Variants in FGF14 observed in about 807,000 individuals in gnomAD.
The protein encoded by FGF14 is fibroblast growth factor 14.
A neutral mutation model predicts 25.5 loss-of-function variants in FGF14; 5 were observed. The ratio of observed to expected loss-of-function variants is 0.20; its 90% confidence interval spans 0.10 to 0.41. The LOEUF (loss-of-function observed/expected upper bound fraction) is 0.41, where lower values mean the gene tolerates loss of function less well. FGF14 is among the 10% of genes least tolerant of loss of function. The pLI is 1.00. For missense variants in FGF14, 222 were observed against 320.1 expected, an observed-to-expected ratio of 0.69 and a Z score of 2.34; for synonymous variants, 138 against 118.3, an observed-to-expected ratio of 1.17 and a Z score of -1.08.
At position 101,768,847 on chromosome 13, in the gene FGF14, G is replaced by A. The variant is rs369178719; in HGVS notation, c.409-42037C>T. ...TGGATCACGTAAATAAATGTAAAAT[G>A]CAAAATTATAAAAATCCTAGAAGGT... On this transcript the variant is annotated intron_variant, in intron 3 of 4. Transcript: ENST00000376143. Among the ~76,000 whole-genome samples, 6 of 152,194 alleles carry A rather than the reference G, an allele frequency of 3.9e-5. No individual in the cohort carries two copies. In the South Asian group the frequency reaches 1.0e-3, roughly 26 times the overall value.
intron 3 of FGF14, among the ~76,000 whole-genome samples, chr13:101,840,073 G>A (rs1375655615): frequency 6.6e-6 from 1 of 151,892 alleles, no homozygotes; most frequent in African/African-American, 2.4e-5. Context: ...TCTCTTCTTG[G>A]CAAATGAGAA....
chr13:102,249,078 C>T (rs1594577100), intron 1 of FGF14, among the ~76,000 whole-genome samples: 1 of 152,234 alleles, frequency 6.6e-6, no homozygotes, highest in Non-Finnish European at 1.5e-5. Flanking sequence ...CCACGGAATG[C>T]TCATTGCAGA....
intron 3 of FGF14, among the ~76,000 whole-genome samples, chr13:101,866,003 C>A (rs753962667): frequency 3.8e-4 from 57 of 151,872 alleles, no homozygotes; most frequent in Non-Finnish European, 7.2e-4. Flanking sequence ...CATCTTAGTT[C>A]AAAACTTCTT....
chr13:102,084,828 G>A (rs891738673), intron 1 of FGF14, among the ~76,000 whole-genome samples: 1 of 152,184 alleles, frequency 6.6e-6, no homozygotes, highest in Admixed American at 6.5e-5. Flanking sequence ...GGTAGATGGA[G>A]TGCTTTGTTA....
At chr13:102,064,419 A>G (rs1419416477) in intron 1 of FGF14, among the ~76,000 whole-genome samples, 1 of 152,176 alleles carries the variant, frequency 6.6e-6, no homozygotes, top group African/African-American at 2.4e-5. Flanking sequence ...AAACGTAACT[A>G]AAAAACATAA....
chr13:101,742,124 G>A (rs2036595645), intron 3 of FGF14, among the ~76,000 whole-genome samples: 1 of 152,096 alleles, frequency 6.6e-6, no homozygotes, highest in Non-Finnish European at 1.5e-5. Context: ...CCACTTATGA[G>A]TGAGAACATG....
chr13:102,388,358 G>A (rs1164064679), intron 1 of FGF14, among the ~76,000 whole-genome samples: 1 of 152,174 alleles, frequency 6.6e-6, no homozygotes, highest in Non-Finnish European at 1.5e-5. Context: ...TGTATGCTCA[G>A]ACAACTATCA....
intron 3 of FGF14, among the ~76,000 whole-genome samples, chr13:101,840,113 C>G (rs1435795782): frequency 1.3e-5 from 2 of 151,912 alleles, no homozygotes; most frequent in Non-Finnish European, 2.9e-5. Context: ...AATACCAGTT[C>G]AATTAATTCC....
At chr13:102,215,932 G>C (rs1447066552) in intron 1 of FGF14, among the ~76,000 whole-genome samples, 2 of 152,168 alleles carry the variant, frequency 1.3e-5, no homozygotes, top group African/African-American at 4.8e-5. Flanking sequence ...AGCAGATGGA[G>C]TGAGAGAAAG....
rs530938671 is a variant in FGF14, at chr13:101,800,762, G to A, written c.408+67963C>T. Among the ~76,000 whole-genome samples the A allele has an allele frequency of 5.5e-3, 831 of 152,226 alleles. 3 individuals carry two copies. The highest frequency in any genetic ancestry group is 8.7e-3 in the Non-Finnish European group (595 of 68,006). On this transcript the variant is annotated intron_variant, in intron 3 of 4. Coordinates refer to ENST00000376143, the MANE Select transcript of FGF14 (RefSeq NM_004115.4). ...TTTCACCTTGTTCTAGGGAGTTTTG[G>A]ATACAGAGTTCACACCTTAGCAGGG... is the stretch of plus-strand genomic sequence containing the variant.
At chr13:102,166,015 A>G (rs1479075460) in intron 1 of FGF14, among the ~76,000 whole-genome samples, 1 of 151,642 alleles carries the variant, frequency 6.6e-6, no homozygotes, top group Non-Finnish European at 1.5e-5. Flanking sequence ...TTGTCCAGCC[A>G]TCACCATCGT....
chr13:101,771,738 G>A (rs908154019), intron 3 of FGF14, among the ~76,000 whole-genome samples: 5 of 152,000 alleles, frequency 3.3e-5, no homozygotes, highest in African/African-American at 1.2e-4. Flanking sequence ...AACTTGAGTT[G>A]TGTGGAATTC....
chr13:101,903,093 G>A (rs952625827), intron 1 of FGF14, among the ~76,000 whole-genome samples: 14 of 152,038 alleles, frequency 9.2e-5, no homozygotes, highest in Non-Finnish European at 1.6e-4. Flanking sequence ...ATGAATTCTA[G>A]TGGCTATTTA....
At chr13:102,147,529 A>T (rs980796364) in intron 1 of FGF14, among the ~76,000 whole-genome samples, 18 of 152,240 alleles carry the variant, frequency 1.2e-4, no homozygotes, top group Non-Finnish European at 2.2e-4. Context: ...GTCATGTGTT[A>T]AATATTGTGA....
chr13:102,186,016 C>T (rs2048860294), intron 1 of FGF14, among the ~76,000 whole-genome samples: 1 of 152,118 alleles, frequency 6.6e-6, no homozygotes, highest in Non-Finnish European at 1.5e-5. Context: ...TCTGGTGACC[C>T]AGTCTGGACA....
intron 1 of FGF14, among the ~76,000 whole-genome samples, chr13:102,238,112 C>T (rs2051413677): frequency 6.6e-6 from 1 of 151,982 alleles, no homozygotes; most frequent in Non-Finnish European, 1.5e-5. Context: ...TGCATGCTTA[C>T]TAAATGAAAT....
At chr13:102,221,482 CT>C (rs2050607433) in intron 1 of FGF14, among the ~76,000 whole-genome samples, 2 of 152,134 alleles carry the variant, frequency 1.3e-5, no homozygotes, top group African/African-American at 4.8e-5. Context: ...GAATCCTGTC[CT>C]TAAGGAGCTG....
intron 1 of FGF14, among the ~76,000 whole-genome samples, chr13:102,316,671 C>A (rs1293766736): frequency 1.3e-5 from 2 of 152,110 alleles, no homozygotes; most frequent in Non-Finnish European, 2.9e-5. Flanking sequence ...TAAAATATTA[C>A]AAATATTGGC....
At chr13:102,339,237 TA>T (rs1224348769) in intron 1 of FGF14, among the ~76,000 whole-genome samples, 9 of 150,770 alleles carry the variant, frequency 6.0e-5, no homozygotes, top group African/African-American at 1.7e-4. Context: ...AAATTGAAAA[TA>T]AAAAAATGTA....
Sources: gnomAD v4.1 joint callset for allele counts (sites outside exome capture counted in the v4.1 genomes callset) on GRCh38, gnomAD v4.1.1 for gene constraint, MANE v1.5 for transcripts, NCBI Gene and HGNC (gene_info 2026-07-23, HGNC 2026-07-21) for gene names.